The following PLD5 variants were observed in gnomAD, a reference collection of about 807,000 sequenced individuals.
The protein encoded by PLD5 is phospholipase D family member 5.
A neutral mutation model predicts 61.1 loss-of-function variants in PLD5; 36 were observed. The observed-to-expected ratio is 0.59, with a 90% confidence interval of 0.45 to 0.78. The LOEUF (loss-of-function observed/expected upper bound fraction) is 0.78. Ranked by LOEUF, PLD5 falls within the 30% of genes least tolerant of loss-of-function variation. The pLI is 0.00. For synonymous variants in PLD5, 243 were observed against 242.8 expected, an observed-to-expected ratio of 1.00 and a Z score of -0.01; for missense variants, 515 against 644.4, an observed-to-expected ratio of 0.80 and a Z score of 2.17.
In PLD5 at chr1:242,476,060, C is replaced by T. The variant is rs144879880; in HGVS notation, c.189+48028G>A. 2.4e-3 allele frequency among the ~76,000 whole-genome samples: 360 copies of T among 152,278 alleles called. 1 individual carries two copies. The highest frequency in any genetic ancestry group is 8.2e-3 in the African/African-American group (339 of 41,562). Reference sequence around the variant, plus strand: ...CCCTAGCAAACTAATGCACATAAAACGCCTCCATATGGGCCAGGCAAAGGT... The same window carrying T: ...CCCTAGCAAACTAATGCACATAAAATGCCTCCATATGGGCCAGGCAAAGGT... On this transcript the variant is annotated intron_variant, in intron 1 of 9. Coordinates refer to ENST00000536534, the MANE Select transcript of PLD5 (RefSeq NM_001372062.1).
At chr1:242,213,949 A>T (rs10926648) in intron 5 of PLD5, among the ~76,000 whole-genome samples, 49,569 of 151,634 alleles carry the variant, frequency 0.33, 9,222 homozygotes, top group East Asian at 0.44. Flanking sequence ...GGTTGCAGAC[A>T]ATGTTGTCAG....
chr1:242,480,184 A>G (rs1248638742), intron 1 of PLD5, among the ~76,000 whole-genome samples: 2 of 152,262 alleles, frequency 1.3e-5, no homozygotes, highest in Non-Finnish European at 2.9e-5. Context: ...TGGACAGAGT[A>G]GTGAATCCAG....
intron 5 of PLD5, among the ~76,000 whole-genome samples, chr1:242,180,529 G>T (rs959068205): frequency 2.0e-5 from 3 of 152,014 alleles, no homozygotes; most frequent in East Asian, 1.9e-4. Flanking sequence ...AAAATATAAG[G>T]TCCATAGGGA....
chr1:242,496,380 C>T (rs535483384), intron 1 of PLD5, among the ~76,000 whole-genome samples: 2 of 152,282 alleles, frequency 1.3e-5, no homozygotes, highest in Admixed American at 6.5e-5. Context: ...GATTGACATC[C>T]CTTTCAATAA....
intron 6 of PLD5, among the ~76,000 whole-genome samples, chr1:242,123,738 T>C (rs2148731633): frequency 6.6e-6 from 1 of 152,350 alleles, no homozygotes; most frequent in Non-Finnish European, 1.5e-5. Flanking sequence ...AACGATGTTA[T>C]TGAAGGATCT....
chr1:242,288,812 GA>G lies in PLD5; in HGVS notation c.327-283del, dbSNP rs547425692. Reference sequence around the variant, plus strand: ...TAATGTCCAGTTTCAATCTAGCCTGGAAAAAAAATTGTGAGCTTCCTACACA... The same window carrying G: ...TAATGTCCAGTTTCAATCTAGCCTGGAAAAAAATTGTGAGCTTCCTACACA... On this transcript the variant is annotated intron_variant, in intron 2 of 9. Transcript: ENST00000536534. Among the ~76,000 whole-genome samples, 971 of 151,954 alleles carry G rather than the reference GA, an allele frequency of 6.4e-3. 10 individuals carry two copies. Among genetic ancestry groups the G allele is most frequent in the African/African-American group, 0.022 (909 of 41,484 alleles).
chr1:242,125,005 A>G (rs1662674527), intron 5 of PLD5, among the ~76,000 whole-genome samples: 1 of 152,094 alleles, frequency 6.6e-6, no homozygotes, highest in South Asian at 2.1e-4. Flanking sequence ...AAAAAGGTCA[A>G]TTTTACTTGC....
At position 242,086,376 on chromosome 1, in the gene PLD5, G is replaced by A. The variant is rs1659477294; in HGVS notation, c.*3478C>T. ...TTTACAGCATTCTTTTAAGTCAGTG[G>A]GGACATTTTCAGCATTCCTTGTTTC... On this transcript the variant is annotated 3_prime_UTR_variant, in exon 10 of 10. Transcript: ENST00000536534. The A allele has an allele frequency of 2.0e-5, 3 of 152,280 alleles. No homozygotes were observed. Among genetic ancestry groups the A allele is most frequent in the Non-Finnish European group, 4.4e-5 (3 of 68,034 alleles). 9.4% of individuals were successfully genotyped at this position (152,280 alleles called of 1,614,324 possible). A position where few individuals can be genotyped will look rare whatever the true frequency, so the allele number is the denominator to read the frequency against.
intron 5 of PLD5, among the ~76,000 whole-genome samples, chr1:242,144,980 T>A (rs1466159158): frequency 1.3e-5 from 2 of 152,178 alleles, no homozygotes; most frequent in African/African-American, 4.8e-5. Context: ...CTCTTACTGT[T>A]TTATAAGTTT....
intron 5 of PLD5, among the ~76,000 whole-genome samples, chr1:242,185,702 T>A (rs1219220340): frequency 6.6e-6 from 1 of 152,212 alleles, no homozygotes; most frequent in Admixed American, 6.5e-5. Flanking sequence ...GTCTCCCTTT[T>A]CATTTTCTAA....
chr1:242,268,561 A>C (rs1673855310), intron 3 of PLD5, among the ~76,000 whole-genome samples: 2 of 152,198 alleles, frequency 1.3e-5, no homozygotes, highest in South Asian at 4.1e-4. Context: ...TCATTAAATA[A>C]AGCTTATTTT....
chr1:242,304,831 TG>T (rs1558447323), intron 2 of PLD5, among the ~76,000 whole-genome samples: 3 of 152,312 alleles, frequency 2.0e-5, no homozygotes, highest in African/African-American at 7.2e-5. Context: ...TGAGCTGGAT[TG>T]GTGGCTCATA....
At chr1:242,394,970 T>TATATATGTATATATGA (rs1663420173) in intron 1 of PLD5, among the ~76,000 whole-genome samples, 3 of 77,060 alleles carry the variant, frequency 3.9e-5, no homozygotes, top group African/African-American at 6.1e-5. Context: ...TATATATGAT[T>TATATATGTATATATGA]ATATATGAAT....
chr1:242,346,589 A>G (rs1006513005), intron 2 of PLD5, among the ~76,000 whole-genome samples: 6 of 152,142 alleles, frequency 3.9e-5, no homozygotes, highest in Non-Finnish European at 7.4e-5. Flanking sequence ...TCACAAAACA[A>G]TTTTTCATCC....
At chr1:242,166,429 CA>C in intron 5 of PLD5, among the ~76,000 whole-genome samples, 1 of 152,136 alleles carries the variant, frequency 6.6e-6, no homozygotes, top group East Asian at 1.9e-4. Flanking sequence ...TGGGCCCTCT[CA>C]AAACAACACT....
At chr1:242,468,283 T>C (rs1470063445) in intron 1 of PLD5, among the ~76,000 whole-genome samples, 3 of 152,208 alleles carry the variant, frequency 2.0e-5, no homozygotes, top group Non-Finnish European at 4.4e-5. Flanking sequence ...CTTTCCAATA[T>C]GATGGTTAGA....
rs567606760 is a variant in PLD5 at position 242,129,787 on chromosome 1, C to T, written c.736-5122G>A. Reference sequence around the variant, plus strand: ...CTCATTAATTTCTCATCCTTCATCCCGCTCCTATGCTCTCACCCTTCTGAA... The same window carrying T: ...CTCATTAATTTCTCATCCTTCATCCTGCTCCTATGCTCTCACCCTTCTGAA... On this transcript the variant is annotated intron_variant, in intron 5 of 9. Coordinates refer to ENST00000536534, the MANE Select transcript of PLD5 (RefSeq NM_001372062.1). 2.0e-4 allele frequency among the ~76,000 whole-genome samples: 30 copies of T among 152,248 alleles called. 2 individuals are homozygous for T. The highest frequency in any genetic ancestry group is 3.9e-4 in the East Asian group (2 of 5,170).
At chr1:242,168,781 G>A (rs1423024308) in intron 5 of PLD5, among the ~76,000 whole-genome samples, 1 of 149,956 alleles carries the variant, frequency 6.7e-6, no homozygotes, top group African/African-American at 2.5e-5. Flanking sequence ...GTTGTTTAAA[G>A]GTATTCTGTA....
intron 5 of PLD5, among the ~76,000 whole-genome samples, chr1:242,173,014 C>G (rs1666860971): frequency 6.6e-6 from 1 of 152,076 alleles, no homozygotes; most frequent in Admixed American, 6.6e-5. Context: ...TGCCCTCTCT[C>G]ACCACTCCTA....
Sources: gnomAD v4.1 joint callset for allele counts (sites outside exome capture counted in the v4.1 genomes callset) on GRCh38, gnomAD v4.1.1 for gene constraint, MANE v1.5 for transcripts, NCBI Gene and HGNC (gene_info 2026-07-23, HGNC 2026-07-21) for gene names.